PEDS1: variants seen among roughly 807,000 people sequenced by gnomAD.
PEDS1 encodes CarF homolog.
Under a neutral mutation model 35.2 loss-of-function variants are expected in PEDS1, and 14 were observed. That is an observed-to-expected ratio of 0.40 (90% CI 0.26 to 0.62). The LOEUF is 0.62. Among genes scored for constraint, PEDS1 ranks in the 20% least tolerant of loss-of-function variants. The pLI, the probability that PEDS1 is intolerant of heterozygous loss-of-function variation, is 0.44. For synonymous variants in PEDS1, 152 were observed against 152.0 expected, an observed-to-expected ratio of 1.00 and a Z score of 0.00; for missense variants, 260 against 367.8, an observed-to-expected ratio of 0.71 and a Z score of 2.40.
intron 2 of PEDS1, among the ~76,000 whole-genome samples, chr20:50,139,679 CTT>C (rs11479032): frequency 0.016 from 2,252 of 137,260 alleles, 53 homozygotes; most frequent in African/African-American, 0.051. Context: ...GGATTTCTTT[CTT>C]TTTTTTTTTT....
chr20:50,136,091 CT>C (rs1055084325), intron 2 of PEDS1, among the ~76,000 whole-genome samples: 1 of 151,470 alleles, frequency 6.6e-6, no homozygotes, highest in East Asian at 1.9e-4. Context: ...ATGTCAACTA[CT>C]TTTTTTAAAA....
intron 1 of PEDS1, among the ~76,000 whole-genome samples, chr20:50,146,674 C>A (rs112789671): frequency 6.6e-6 from 1 of 152,148 alleles, no homozygotes; most frequent in African/African-American, 2.4e-5. Flanking sequence ...CTTGAAAAGA[C>A]CAAGGCTCAG....
intron 2 of PEDS1, among the ~76,000 whole-genome samples, chr20:50,142,427 G>C (rs2081300043): frequency 1.3e-5 from 2 of 151,952 alleles, no homozygotes; most frequent in Non-Finnish European, 2.9e-5. Flanking sequence ...ACAGAAAAGG[G>C]GGATAGTGTG....
rs956212727 is a variant in PEDS1 at position 50,153,671 on chromosome 20, T to TGGCGGC, written c.-40_-35dup. 9.6e-5 allele frequency: 116 copies of TGGCGGC among 1,214,370 alleles called. No individual in the cohort carries two copies. Among genetic ancestry groups the TGGCGGC allele is most frequent in the Non-Finnish European group, 1.1e-4 (110 of 976,938 alleles). 75.2% of individuals were successfully genotyped at this position (1,214,370 alleles called of 1,614,324 possible). A position where few individuals can be genotyped will look rare whatever the true frequency, so the allele number is the denominator to read the frequency against. On this transcript the variant is annotated 5_prime_UTR_variant, in exon 1 of 6. Transcript: ENST00000371652. ...GCCCGATCGGCCCGGTGCGCTCTGC[T>TGGCGGC]GGCGGCGGCGGCGGCAGGGCCGCGG...
Position 50,153,502 on chromosome 20 carries a change from G to GC in PEDS1, c.121+14dup, listed in dbSNP as rs2081427614. 2 of 1,367,834 alleles carry GC rather than the reference G, an allele frequency of 1.5e-6. No individual in the cohort carries two copies. The highest frequency in any genetic ancestry group is 1.9e-6 in the Non-Finnish European group (2 of 1,051,976). The allele number at this position is 1,367,834 out of a possible 1,614,324, so 84.7% of individuals were successfully genotyped here. A position where few individuals can be genotyped will look rare whatever the true frequency, so the allele number is the denominator to read the frequency against. ...CTGGTGACCGCAGGCCTGGAGGGGGGCCCAGAGGTCTTACCTGGCGAGTAG... is the reference window on the plus strand; with the variant it reads ...CTGGTGACCGCAGGCCTGGAGGGGGGCCCCAGAGGTCTTACCTGGCGAGTAG... On this transcript the variant is annotated intron_variant, in intron 1 of 5. Transcript: ENST00000371652.
At position 50,122,276 on chromosome 20, in the gene PEDS1, GTTTAC is replaced by G. The variant is rs1311478381; in HGVS notation, c.*2777_*2781del. Reference sequence around the variant, plus strand: ...ATGAGCTAATACGATTATTTTAGCTGTTTACTTTAAATTTCTGTCATTTATGAGTT... The same window carrying G: ...ATGAGCTAATACGATTATTTTAGCTGTTTAAATTTCTGTCATTTATGAGTT... On this transcript the variant is annotated 3_prime_UTR_variant, in exon 6 of 6. Coordinates refer to ENST00000371652, the MANE Select transcript of PEDS1 (RefSeq NM_199129.4). 6.6e-6 allele frequency: 1 copy of G among 152,290 alleles called. No individual in the cohort carries two copies. The highest frequency in any genetic ancestry group is 1.9e-4 in the East Asian group (1 of 5,192). The allele number at this position is 152,290 out of a possible 1,614,324, so 9.4% of individuals were successfully genotyped here. A position where few individuals can be genotyped will look rare whatever the true frequency, so the allele number is the denominator to read the frequency against.
At chr20:50,130,276 C>T (rs1316509719) in intron 3 of PEDS1, among the ~76,000 whole-genome samples, 1 of 152,142 alleles carries the variant, frequency 6.6e-6, no homozygotes, top group African/African-American at 2.4e-5. Flanking sequence ...ATGCTGTTCT[C>T]CTGGAAGGAG....
At chr20:50,141,427 T>C (rs898775502) in intron 2 of PEDS1, among the ~76,000 whole-genome samples, 12 of 152,252 alleles carry the variant, frequency 7.9e-5, no homozygotes, top group Non-Finnish European at 1.6e-4. Flanking sequence ...TGGCAGGTGC[T>C]GTCCCCTCCC....
chr20:50,136,342 T>A (rs1239017239), intron 2 of PEDS1, among the ~76,000 whole-genome samples: 5 of 152,110 alleles, frequency 3.3e-5, no homozygotes, highest in Non-Finnish European at 7.3e-5. Flanking sequence ...TTGTGAAGTG[T>A]TAAGAAGTGC....
Position 50,121,110 on chromosome 20 carries a change from C to T in PEDS1, c.*3948G>A, listed in dbSNP as rs2081047701. On this transcript the variant is annotated 3_prime_UTR_variant, in exon 6 of 6. Coordinates refer to ENST00000371652, the MANE Select transcript of PEDS1 (RefSeq NM_199129.4). The stretch of plus-strand genomic sequence containing the variant: ...TGGCCTATGCACTCATTTTGTTTTG[C>T]CCACAGTACGTTTTAAACACGGAGC... The T allele has an allele frequency of 6.6e-6, 1 of 152,206 alleles. No homozygotes were observed. The allele number at this position is 152,206 out of a possible 1,614,324, so 9.4% of individuals were successfully genotyped here. A position where few individuals can be genotyped will look rare whatever the true frequency, so the allele number is the denominator to read the frequency against.
chr20:50,139,664 C>A (rs955110649), intron 2 of PEDS1, among the ~76,000 whole-genome samples: 6 of 149,296 alleles, frequency 4.0e-5, no homozygotes, highest in African/African-American at 1.5e-4. Context: ...ACACAGATGA[C>A]CCCCGGATTT....
At chr20:50,150,088 G>A (rs982100276) in intron 1 of PEDS1, among the ~76,000 whole-genome samples, 1 of 152,178 alleles carries the variant, frequency 6.6e-6, no homozygotes, top group Admixed American at 6.5e-5. Flanking sequence ...GCTTTAGGAA[G>A]AGCATGCCTG....
At position 50,123,126 on chromosome 20, in the gene PEDS1, CA is replaced by C. The variant is rs1344196153; in HGVS notation, c.*1931del. 1 of 152,108 alleles carries C rather than the reference CA, an allele frequency of 6.6e-6. No homozygotes were observed. Among genetic ancestry groups the C allele is most frequent in the Non-Finnish European group, 1.5e-5 (1 of 68,040 alleles). The allele number at this position is 152,108 out of a possible 1,614,324, so 9.4% of individuals were successfully genotyped here. On this transcript the variant is annotated 3_prime_UTR_variant, in exon 6 of 6. Coordinates refer to ENST00000371652, the MANE Select transcript of PEDS1 (RefSeq NM_199129.4). ...AATAAATACAAATAAATAAAATGACCAGCAGGTCCCCACTCACCTCAGCCTA... is the reference window on the plus strand; with the variant it reads ...AATAAATACAAATAAATAAAATGACCGCAGGTCCCCACTCACCTCAGCCTA...
Position 50,153,696 on chromosome 20 carries a change from G to GAACCGCGGCGAGATCACGCCGCCC in PEDS1, c.-83_-60dup, listed in dbSNP as rs1418165672. 3 of 1,179,622 alleles carry GAACCGCGGCGAGATCACGCCGCCC rather than the reference G, an allele frequency of 2.5e-6. No homozygotes were observed. The African/African-American group carries it at 4.8e-5, about 19-fold the overall frequency. 73.1% of individuals were successfully genotyped at this position (1,179,622 alleles called of 1,614,324 possible). On this transcript the variant is annotated 5_prime_UTR_variant, in exon 1 of 6. Transcript: ENST00000371652. ...TGGCGGCGGCGGCGGCAGGGCCGCG[G>GAACCGCGGCGAGATCACGCCGCCC]AACCGCGGCGAGATCACGCCGCCCA...
chr20:50,131,020 T>C (rs774649692), intron 2 of PEDS1, 73 bp from the exon 3 acceptor site: 1 of 1,612,172 alleles, frequency 6.2e-7, no homozygotes, highest in Non-Finnish European at 8.5e-7. Context: ...ATTTACTCAC[T>C]TGCCCGCTCA....
At chr20:50,139,429 T>G (rs1450431297) in intron 2 of PEDS1, among the ~76,000 whole-genome samples, 2 of 152,070 alleles carry the variant, frequency 1.3e-5, no homozygotes, top group Middle Eastern at 3.4e-3. Context: ...GTCCACTCGG[T>G]GGCTGTTCCC....
intron 3 of PEDS1, 147 bp downstream of exon 3, chr20:50,130,709 G>C: frequency 9.8e-7 from 1 of 1,016,080 alleles, no homozygotes; most frequent in African/African-American, 1.6e-5. Context: ...TCCTGTTCTA[G>C]TCTTGCAGCA....
intron 1 of PEDS1, among the ~76,000 whole-genome samples, chr20:50,147,493 C>A (rs1398709123): frequency 6.6e-6 from 1 of 152,150 alleles, no homozygotes; most frequent in African/African-American, 2.4e-5. Context: ...CAAGTATCAG[C>A]CCGTCAAGGA....
intron 1 of PEDS1, among the ~76,000 whole-genome samples, chr20:50,144,959 T>C (rs990755099): frequency 5.9e-5 from 9 of 152,096 alleles, no homozygotes; most frequent in Non-Finnish European, 1.2e-4. Flanking sequence ...TCCCAGCACT[T>C]TGGGAGGCCG....
Sources: allele counts gnomAD v4.1 joint callset (sites outside exome capture counted in the v4.1 genomes callset), GRCh38; gene constraint gnomAD v4.1.1; transcripts MANE v1.5; gene names NCBI Gene and HGNC (gene_info 2026-07-23, HGNC 2026-07-21).